INPP4B: variants seen among roughly 807,000 people sequenced by gnomAD.
INPP4B encodes inositol polyphosphate 4-phosphatase type II.
INPP4B carries 55 observed loss-of-function variants against 122.5 expected under a neutral mutation model. That is an observed-to-expected ratio of 0.45 (90% CI 0.36 to 0.56). The LOEUF is 0.56. Ranked by LOEUF, INPP4B falls within the 20% of genes least tolerant of loss-of-function variation. The pLI, the probability that INPP4B is intolerant of heterozygous loss-of-function variation, is 0.00. For missense variants in INPP4B, 1,000 were observed against 1,097.7 expected (o/e 0.91, Z 1.26); for synonymous variants, 403 against 388.7 (o/e 1.04, Z -0.43).
chr4:142,152,838 T>C (rs920211530), intron 17 of INPP4B, among the ~76,000 whole-genome samples: 2 of 152,248 alleles, frequency 1.3e-5, no homozygotes, highest in Non-Finnish European at 2.9e-5. Flanking sequence ...TTATGAGTGC[T>C]AGTCATCTTA....
At chr4:142,700,392 G>C (rs1481690279) in intron 2 of INPP4B, among the ~76,000 whole-genome samples, 2 of 152,030 alleles carry the variant, frequency 1.3e-5, no homozygotes, top group East Asian at 3.8e-4. Flanking sequence ...AGTTGAATAT[G>C]GTTTTTATAA....
intron 2 of INPP4B, among the ~76,000 whole-genome samples, chr4:142,545,853 C>T (rs1829584692): frequency 7.1e-6 from 1 of 141,308 alleles, no homozygotes. Context: ...GTCTGTTGTT[C>T]AAATAATTGA....
At chr4:142,742,102 T>C (rs1767985504) in intron 1 of INPP4B, among the ~76,000 whole-genome samples, 1 of 151,942 alleles carries the variant, frequency 6.6e-6, no homozygotes, top group South Asian at 2.1e-4. Flanking sequence ...CTTGGTGCCC[T>C]ACCCAGATTT....
At chr4:142,835,802 T>C (rs1241687888) in intron 1 of INPP4B, among the ~76,000 whole-genome samples, 1 of 152,168 alleles carries the variant, frequency 6.6e-6, no homozygotes, top group Non-Finnish European at 1.5e-5. Flanking sequence ...TCTTCTTAGG[T>C]TAATGTAAAT....
At chr4:142,498,095 TTGTGTG>T (rs745398059) in intron 2 of INPP4B, among the ~76,000 whole-genome samples, 1 of 145,670 alleles carries the variant, frequency 6.9e-6, no homozygotes, top group Admixed American at 6.8e-5. Flanking sequence ...GCAATGTATT[TTGTGTG>T]TGTGTGTGTA....
chr4:142,485,410 GAATTTATGTC>G (rs1272089611), intron 2 of INPP4B, among the ~76,000 whole-genome samples: 1 of 152,026 alleles, frequency 6.6e-6, no homozygotes, highest in Non-Finnish European at 1.5e-5. Context: ...TCCAAGATCT[GAATTTATGTC>G]AGCATTACAT....
chr4:142,122,768 G>A (rs1041975090), intron 20 of INPP4B, among the ~76,000 whole-genome samples: 1 of 151,916 alleles, frequency 6.6e-6, no homozygotes, highest in Non-Finnish European at 1.5e-5. Flanking sequence ...TAAAAAGGTA[G>A]AATTAATTTT....
At chr4:142,137,891 T>C (rs1805477591) in intron 18 of INPP4B, among the ~76,000 whole-genome samples, 1 of 151,782 alleles carries the variant, frequency 6.6e-6, no homozygotes, top group Non-Finnish European at 1.5e-5. Context: ...AAACAACAGG[T>C]GCTGGAGAGG....
intron 1 of INPP4B, among the ~76,000 whole-genome samples, chr4:142,844,050 G>C (rs1270350481): frequency 1.3e-5 from 2 of 152,110 alleles, no homozygotes; most frequent in African/African-American, 2.4e-5. Context: ...ATAGTAGAGC[G>C]ATTTAGTATT....
intron 23 of INPP4B, among the ~76,000 whole-genome samples, chr4:142,088,500 G>A (rs970538461): frequency 2.3e-5 from 2 of 88,396 alleles, no homozygotes; most frequent in Admixed American, 1.3e-4. Flanking sequence ...GTAACAATGT[G>A]TGCTTGTGTG....
At chr4:142,830,224 A>G (rs890822636) in intron 1 of INPP4B, among the ~76,000 whole-genome samples, 1 of 152,214 alleles carries the variant, frequency 6.6e-6, no homozygotes, top group African/African-American at 2.4e-5. Context: ...AAATTTAATA[A>G]AAGGAAAATT....
intron 2 of INPP4B, among the ~76,000 whole-genome samples, chr4:142,698,064 A>G (rs2150747407): frequency 6.6e-6 from 1 of 152,226 alleles, no homozygotes; most frequent in South Asian, 2.1e-4. Flanking sequence ...GGCTGTGAAA[A>G]TTTTAAAATT....
At chr4:142,089,437 CCACACA>C (rs36203495) in intron 23 of INPP4B, among the ~76,000 whole-genome samples, 1,731 of 141,594 alleles carry the variant, frequency 0.012, 38 homozygotes, top group African/African-American at 0.043. Flanking sequence ...GATGTTCTCA[CCACACA>C]CACACACACA....
chr4:142,423,906 G>A lies in INPP4B; in HGVS notation c.136+5267C>T, dbSNP rs564407700. 43 of 369,172 alleles carry A rather than the reference G, an allele frequency of 1.2e-4. No homozygotes were observed. In the Middle Eastern group the frequency reaches 2.2e-3, roughly 19 times the overall value. 22.9% of individuals were successfully genotyped at this position (369,172 alleles called of 1,614,324 possible). ...TGTAGATTAATCAGGAATCCTATTT[G>A]AGGAGAATACTGTTTTCATTTTCCT... On this transcript the variant is annotated intron_variant, in intron 5 of 25. Transcript: ENST00000262992.
chr4:142,550,002 C>G (rs116059336), intron 2 of INPP4B, among the ~76,000 whole-genome samples: 1 of 152,084 alleles, frequency 6.6e-6, no homozygotes, highest in Non-Finnish European at 1.5e-5. Context: ...TGCATTTGAG[C>G]CTGTTCTAGC....
chr4:142,627,082 G>A (rs1055579728), intron 2 of INPP4B, among the ~76,000 whole-genome samples: 1 of 151,982 alleles, frequency 6.6e-6, no homozygotes, highest in African/African-American at 2.4e-5. Context: ...ACACTATAAA[G>A]TGACCTAAAA....
At chr4:142,245,929 T>TAC (rs1453524646) in intron 11 of INPP4B, among the ~76,000 whole-genome samples, 2 of 32,430 alleles carry the variant, frequency 6.2e-5, no homozygotes, top group African/African-American at 1.9e-4. Flanking sequence ...TGTGTATGTA[T>TAC]ACATATATGT....
chr4:142,365,030 CAA>C (rs1212155030), intron 7 of INPP4B, among the ~76,000 whole-genome samples: 1 of 152,034 alleles, frequency 6.6e-6, no homozygotes, highest in African/African-American at 2.4e-5. Context: ...GAGGAGTAGA[CAA>C]AAAGTCATAC....
chr4:142,845,644 A>T (rs987143007), intron 1 of INPP4B, among the ~76,000 whole-genome samples: 2 of 152,146 alleles, frequency 1.3e-5, no homozygotes, highest in African/African-American at 4.8e-5. Flanking sequence ...TTTTTAAAAC[A>T]AAAAACAAGG....
Sources: gnomAD v4.1 joint callset for allele counts (sites outside exome capture counted in the v4.1 genomes callset) on GRCh38, gnomAD v4.1.1 for gene constraint, MANE v1.5 for transcripts, NCBI Gene and HGNC (gene_info 2026-07-23, HGNC 2026-07-21) for gene names.